The following PAH variants were observed in gnomAD, a reference collection of about 807,000 sequenced individuals.
PAH encodes phenylalanine-4-hydroxylase.
In PAH, 64 loss-of-function variants were observed where a neutral mutation model predicts 62.0. That is an observed-to-expected ratio of 1.03 (90% CI 0.84 to 1.27). PAH has a LOEUF of 1.27. Ranked by LOEUF, PAH falls within the 50% of genes most tolerant of loss-of-function variation. The pLI is 0.00. For synonymous variants in PAH, 195 were observed against 196.2 expected (o/e 0.99, Z 0.05); for missense variants, 579 against 542.8 (o/e 1.07, Z -0.66).
At chr12:102,864,235 C>T (rs1006603160) in intron 5 of PAH, among the ~76,000 whole-genome samples, 3 of 152,094 alleles carry the variant, frequency 2.0e-5, no homozygotes, top group Non-Finnish European at 2.9e-5. Flanking sequence ...GAGAAGGTGA[C>T]ATCTAAATGA....
Position 102,879,607 on chromosome 12 carries a change from G to C in PAH, c.353-2057C>G, listed in dbSNP as rs201740111. ...TGGTGTTCTAAATATTTTACCTGTGGGGGGGGGGTACTATTAATGTTCCCA... is the reference window on the plus strand; with the variant it reads ...TGGTGTTCTAAATATTTTACCTGTGCGGGGGGGGTACTATTAATGTTCCCA... On this transcript the variant is annotated intron_variant, in intron 3 of 12. Coordinates refer to ENST00000553106, the MANE Select transcript of PAH (RefSeq NM_000277.3). Among the ~76,000 whole-genome samples the C allele has an allele frequency of 2.6e-4, 22 of 84,910 alleles. No individual in the cohort carries two copies. In the East Asian group the frequency reaches 0.022, roughly 86 times the overall value. 55.7% of individuals were successfully genotyped at this position (84,910 alleles called of 152,430 possible). A position where few individuals can be genotyped will look rare whatever the true frequency, so the allele number is the denominator to read the frequency against.
intron 1 of PAH, among the ~76,000 whole-genome samples, chr12:102,925,552 A>C (rs1169630090): frequency 6.6e-6 from 1 of 152,154 alleles, no homozygotes; most frequent in Non-Finnish European, 1.5e-5. Context: ...ACTTGTCCTA[A>C]AACTGTTCTT....
At chr12:102,886,335 A>T (rs544882826) in intron 3 of PAH, 3 of 152,220 alleles carry the variant, frequency 2.0e-5, no homozygotes, top group Non-Finnish European at 4.4e-5. Context: ...TAATAAGCGG[A>T]GGGAGTGAGT....
intron 2 of PAH, among the ~76,000 whole-genome samples, chr12:102,903,691 T>G (rs1877857572): frequency 6.6e-6 from 1 of 152,154 alleles, no homozygotes; most frequent in Non-Finnish European, 1.5e-5. Context: ...TCTGAAGCAG[T>G]TTTTGTCTCT....
chr12:102,892,625 C>A (rs150782392), intron 3 of PAH, among the ~76,000 whole-genome samples: 12 of 152,252 alleles, frequency 7.9e-5, no homozygotes, highest in Non-Finnish European at 1.8e-4. Context: ...AATGAGCTAT[C>A]AAGTCACAGA....
chr12:102,921,884 AT>A (rs540881608), upstream of PAH, among the ~76,000 whole-genome samples: 4 of 151,984 alleles, frequency 2.6e-5, no homozygotes, highest in Non-Finnish European at 4.4e-5. Context: ...TTATATTTTA[AT>A]TTTTTTGCTG....
At chr12:102,871,949 AAT>A (rs1232144620) in intron 4 of PAH, among the ~76,000 whole-genome samples, 335 of 30,314 alleles carry the variant, frequency 0.011, no homozygotes, top group Non-Finnish European at 0.013. Context: ...AAAAAAAAAA[AAT>A]ATATATATAT....
chr12:102,933,050 G>C (rs1330981080), intron 1 of PAH, among the ~76,000 whole-genome samples: 1 of 152,066 alleles, frequency 6.6e-6, no homozygotes, highest in Non-Finnish European at 1.5e-5. Flanking sequence ...ACTCTGTTGT[G>C]CTGTCAAATA....
intron 2 of PAH, among the ~76,000 whole-genome samples, chr12:102,911,955 G>A (rs188768017): frequency 8.5e-5 from 13 of 152,290 alleles, no homozygotes; most frequent in Admixed American, 2.6e-4. Context: ...CATAGTACTC[G>A]GAAGGAATCT....
chr12:102,864,776 A>C (rs1770517799), intron 5 of PAH, among the ~76,000 whole-genome samples: 1 of 148,584 alleles, frequency 6.7e-6, no homozygotes, highest in Admixed American at 6.8e-5. Context: ...ACACTTAAGC[A>C]AGTAGGCAAA....
upstream of PAH, among the ~76,000 whole-genome samples, chr12:102,951,491 A>G (rs1055410321): frequency 2.0e-5 from 3 of 152,190 alleles, no homozygotes; most frequent in Non-Finnish European, 2.9e-5. Context: ...CGGAAGTTGG[A>G]GCCAAGAGGA....
chr12:102,918,458 C>A (rs9804733), upstream of PAH, among the ~76,000 whole-genome samples: 753 of 151,326 alleles, frequency 5.0e-3, 8 homozygotes, highest in African/African-American at 0.017. Flanking sequence ...AATAAATAAA[C>A]AAATAAATAA....
chr12:102,889,490 T>C (rs566831997), intron 3 of PAH, among the ~76,000 whole-genome samples: 1 of 151,774 alleles, frequency 6.6e-6, no homozygotes, highest in Non-Finnish European at 1.5e-5. Flanking sequence ...GGTAGATAGA[T>C]GATAGATAGA....
At chr12:102,842,685 C>T (rs1028949667) in intron 11 of PAH, among the ~76,000 whole-genome samples, 5 of 152,106 alleles carry the variant, frequency 3.3e-5, no homozygotes, top group Admixed American at 3.3e-4. Flanking sequence ...TGACTTTCTC[C>T]CTTATGTCTC....
chr12:102,893,642 A>G (rs1209423691), intron 3 of PAH, among the ~76,000 whole-genome samples: 2 of 152,172 alleles, frequency 1.3e-5, no homozygotes, highest in African/African-American at 2.4e-5. Flanking sequence ...TGAAAAATTG[A>G]GGTCAGGGCA....
chr12:102,882,783 A>T (rs955277478), intron 3 of PAH, among the ~76,000 whole-genome samples: 1 of 151,746 alleles, frequency 6.6e-6, no homozygotes, highest in African/African-American at 2.4e-5. Context: ...TGTAACTGGC[A>T]AGTGTCTTAT....
chr12:102,918,388 A>G (rs1878463921), upstream of PAH, among the ~76,000 whole-genome samples: 1 of 152,194 alleles, frequency 6.6e-6, no homozygotes, highest in East Asian at 1.9e-4. Context: ...ATAAGCCAAT[A>G]ATAAAGGTTG....
chr12:102,859,557 C>G (rs1217350084), intron 5 of PAH, among the ~76,000 whole-genome samples: 8 of 152,160 alleles, frequency 5.3e-5, no homozygotes, highest in South Asian at 4.1e-4. Context: ...TGATGAACAT[C>G]AATGCAAAAA....
Position 102,838,980 on chromosome 12 carries a change from A to G in PAH, c.*195T>C, listed in dbSNP as rs1410972962. The stretch of plus-strand genomic sequence containing the variant: ...CAAAGATGACCCCAAAAGATTTACC[A>G]TTATGCTCTTGAGTATGTACTCATA... On this transcript the variant is annotated 3_prime_UTR_variant, in exon 13 of 13. Transcript: ENST00000553106. 1.7e-6 allele frequency: 1 copy of G among 605,706 alleles called. No individual in the cohort carries two copies. 37.5% of individuals were successfully genotyped at this position (605,706 alleles called of 1,614,324 possible).
Sources: allele counts gnomAD v4.1 joint callset (sites outside exome capture counted in the v4.1 genomes callset), GRCh38; gene constraint gnomAD v4.1.1; transcripts MANE v1.5; gene names NCBI Gene and HGNC (gene_info 2026-07-23, HGNC 2026-07-21).